Variants in CCDC146 observed in about 807,000 individuals in gnomAD.
CCDC146 encodes the protein coiled-coil domain-containing protein 146.
CCDC146 carries 92 observed loss-of-function variants against 119.3 expected under a neutral mutation model. The ratio of observed to expected loss-of-function variants is 0.77; its 90% CI spans 0.65 to 0.92. CCDC146 has a LOEUF of 0.92. Among genes scored for constraint, CCDC146 ranks in the 40% least tolerant of loss-of-function variants. The pLI is 0.00. For synonymous variants in CCDC146, 372 were observed against 371.8 expected, an observed-to-expected ratio of 1.00 and a Z score of -0.01; for missense variants, 1,000 against 1,103.0, an observed-to-expected ratio of 0.91 and a Z score of 1.32.
At chr7:77,157,123 G>A (rs1003763324) in intron 1 of CCDC146, among the ~76,000 whole-genome samples, 1 of 102,378 alleles carries the variant, frequency 9.8e-6, no homozygotes, top group African/African-American at 4.6e-5. Flanking sequence ...TAACCTTGTA[G>A]AGCAATGGGC....
rs1443524268 is a variant in CCDC146 at position 77,280,657 on chromosome 7, A to C, written c.1919+4A>C. On this transcript the variant is annotated splice_donor_region_variant and intron_variant, in intron 14 of 18. Transcript: ENST00000285871. ...CTGTTCAGCATCGAAATGAAAGGTA[A>C]AAACCAGGTGTGAGAACAGAGCACC... 3 of 1,603,040 alleles carry C rather than the reference A, an allele frequency of 1.9e-6. No homozygotes were observed. Among genetic ancestry groups the C allele is most frequent in the African/African-American group, 2.7e-5 (2 of 74,538 alleles).
At chr7:77,244,626 A>G (rs145854416) in intron 4 of CCDC146, among the ~76,000 whole-genome samples, 2 of 152,342 alleles carry the variant, frequency 1.3e-5, no homozygotes, top group East Asian at 1.9e-4. Flanking sequence ...GCTTTACCAC[A>G]TAGCCTAGAT....
At chr7:77,263,528 C>T (rs1157814420) in intron 9 of CCDC146, among the ~76,000 whole-genome samples, 1 of 152,194 alleles carries the variant, frequency 6.6e-6, no homozygotes, top group African/African-American at 2.4e-5. Context: ...GAAAGACCAA[C>T]CTTAAGCAAC....
chr7:77,256,198 C>T (rs1324466373), intron 5 of CCDC146, 135 bp from the exon 6 acceptor site: 12 of 611,518 alleles, frequency 2.0e-5, no homozygotes, highest in Non-Finnish European at 3.0e-5. Flanking sequence ...AATCATTTAA[C>T]CTTGTGAGAA....
intron 2 of CCDC146, among the ~76,000 whole-genome samples, chr7:77,189,507 T>G (rs1791725842): frequency 6.6e-6 from 1 of 152,194 alleles, no homozygotes; most frequent in South Asian, 2.1e-4. Flanking sequence ...AAGCGACCCC[T>G]TTAAAACTGG....
intron 2 of CCDC146, among the ~76,000 whole-genome samples, chr7:77,215,883 T>A (rs1394753815): frequency 1.6e-4 from 25 of 152,246 alleles, no homozygotes; most frequent in Admixed American, 1.2e-3. Flanking sequence ...TATATTTTGA[T>A]ACATAGTTAT....
At chr7:77,242,589 G>T (rs1267522386) in intron 4 of CCDC146, among the ~76,000 whole-genome samples, 3 of 152,178 alleles carry the variant, frequency 2.0e-5, no homozygotes, top group Admixed American at 1.3e-4. Flanking sequence ...AGTTTGTTCA[G>T]CAAGTCATAC....
Position 77,142,406 on chromosome 7 carries a change from GT to G in CCDC146, c.-12+19675del, listed in dbSNP as rs1192418651. On this transcript the variant is annotated intron_variant, in intron 1 of 18. Coordinates refer to ENST00000285871, the MANE Select transcript of CCDC146 (RefSeq NM_020879.3). Reference sequence around the variant, plus strand: ...GCAGGTTTGTTACATATGTATACATGTGCCATGTGTACATGTATACATGTGC... The same window carrying G: ...GCAGGTTTGTTACATATGTATACATGGCCATGTGTACATGTATACATGTGC... Among the ~76,000 whole-genome samples the G allele has an allele frequency of 1.8e-3, 264 of 149,760 alleles. 1 individual carries two copies. Among genetic ancestry groups the G allele is most frequent in the African/African-American group, 6.2e-3 (254 of 41,166 alleles).
intron 6 of CCDC146, among the ~76,000 whole-genome samples, 169 bp downstream of exon 6, chr7:77,256,678 C>A (rs1793185381): frequency 6.6e-6 from 1 of 152,174 alleles, no homozygotes; most frequent in Admixed American, 6.5e-5. Context: ...TGGGAATGCA[C>A]AAAAGACCTT....
In CCDC146 at chr7:77,180,702, A is replaced by C. The variant is rs550302879; in HGVS notation, c.156+12878A>C. 3.9e-5 allele frequency among the ~76,000 whole-genome samples: 6 copies of C among 152,288 alleles called. No individual in the cohort carries two copies. In the South Asian group the frequency reaches 1.0e-3, roughly 26 times the overall value. Reference sequence around the variant, plus strand: ...GAGAGTGAGACCTCGTCTCAAAAAAAAGATCCCTCCTTTAAAAATTTTTGG... The same window carrying C: ...GAGAGTGAGACCTCGTCTCAAAAAACAGATCCCTCCTTTAAAAATTTTTGG... On this transcript the variant is annotated intron_variant, in intron 2 of 18. Transcript: ENST00000285871.
intron 2 of CCDC146, among the ~76,000 whole-genome samples, chr7:77,174,369 G>A (rs1055420665): frequency 4.6e-5 from 7 of 152,232 alleles, no homozygotes; most frequent in Non-Finnish European, 8.8e-5. Context: ...TGAAGTGGCA[G>A]TGAACTGCAG....
chr7:77,217,377 T>G (rs1792319490), intron 2 of CCDC146, among the ~76,000 whole-genome samples: 1 of 150,508 alleles, frequency 6.6e-6, no homozygotes, highest in Admixed American at 6.6e-5. Context: ...TGTATGTATA[T>G]GCACATATGT....
chr7:77,147,326 G>A (rs1791036801), intron 1 of CCDC146, among the ~76,000 whole-genome samples: 1 of 152,046 alleles, frequency 6.6e-6, no homozygotes, highest in African/African-American at 2.4e-5. Flanking sequence ...CTTTTTTCAA[G>A]GTTTTTAACT....
At position 77,196,545 on chromosome 7, in the gene CCDC146, C is replaced by G; in HGVS notation, c.156+28721C>G. 6.2e-7 allele frequency: 1 copy of G among 1,614,080 alleles called. No homozygotes were observed. Among genetic ancestry groups the G allele is most frequent in the Non-Finnish European group, 8.5e-7 (1 of 1,179,988 alleles). ...TCTGGAGTGGTGAAAAACTTCAGAT[C>G]GTGGTTGTAATGTTTGTTGAAACGT... is the stretch of plus-strand genomic sequence containing the variant. On this transcript the variant is annotated intron_variant, in intron 2 of 18. Transcript: ENST00000285871. The surrounding 1 kb of genome is among the most constrained non-coding windows in gnomAD (Gnocchi z 4.2).
chr7:77,219,089 T>G (rs1482606330), intron 2 of CCDC146, among the ~76,000 whole-genome samples: 1 of 152,180 alleles, frequency 6.6e-6, no homozygotes, highest in Non-Finnish European at 1.5e-5. Context: ...TAGAAATTGT[T>G]TATATATCCT....
At chr7:77,259,426 C>A in intron 7 of CCDC146, 1 of 187,236 alleles carries the variant, frequency 5.3e-6, no homozygotes, top group Non-Finnish European at 1.1e-5. Flanking sequence ...GCCCAAAGCC[C>A]AAATAATAGT....
At chr7:77,204,112 C>A (rs1271602667) in intron 2 of CCDC146, among the ~76,000 whole-genome samples, 3 of 151,690 alleles carry the variant, frequency 2.0e-5, no homozygotes, top group East Asian at 1.9e-4. Flanking sequence ...GTATTGAGAG[C>A]CTTTCACTGA....
intron 2 of CCDC146, among the ~76,000 whole-genome samples, chr7:77,219,350 T>TA (rs776632835): frequency 0.043 from 6,604 of 152,296 alleles, 187 homozygotes; most frequent in Non-Finnish European, 0.065. Context: ...TTATGTATGG[T>TA]TCTATCTGCT....
intron 9 of CCDC146, 85 bp from the exon 10 acceptor site, chr7:77,273,609 C>T: frequency 2.1e-6 from 2 of 934,436 alleles, no homozygotes; most frequent in Non-Finnish European, 3.3e-6. Flanking sequence ...CAACTTCTGC[C>T]TCCCGGGTTC....
Sources: gnomAD v4.1 joint callset for allele counts (sites outside exome capture counted in the v4.1 genomes callset) on GRCh38, gnomAD v4.1.1 for gene constraint, Gnocchi (gnomAD v3.1) non-coding constraint, MANE v1.5 for transcripts, NCBI Gene and HGNC (gene_info 2026-07-23, HGNC 2026-07-21) for gene names.